Variants in SCGB2B2 observed in about 807,000 individuals in gnomAD.
SCGB2B2 encodes secretoglobin family 2B member 2, also known as secretoglobin-like protein.
A neutral mutation model predicts 7.6 loss-of-function variants in SCGB2B2; 11 were observed. The observed-to-expected ratio is 1.45, with a 90% CI of 0.91 to 2.40. SCGB2B2 has a LOEUF of 2.40. SCGB2B2 is among the 30% of genes most tolerant of loss of function. The pLI is 0.00. For synonymous variants in SCGB2B2, 50 were observed against 48.6 expected (o/e 1.03, Z -0.12); for missense variants, 104 against 115.4 (o/e 0.90, Z 0.45).
chr19:34,629,335 T>C (rs2066464546), intron 1 of SCGB2B2, among the ~76,000 whole-genome samples: 1 of 151,980 alleles, frequency 6.6e-6, no homozygotes, highest in African/African-American at 2.4e-5. Context: ...AAATTGCCCC[T>C]GTTTGCAGAT....
chr19:34,665,653 G>C (rs943506994), intron 1 of SCGB2B2, among the ~76,000 whole-genome samples: 6 of 152,190 alleles, frequency 3.9e-5, no homozygotes, highest in African/African-American at 1.4e-4. Context: ...GCAGTTGAGG[G>C]CCCACGTGTG....
At chr19:34,674,884 G>C (rs1416841294) in intron 1 of SCGB2B2, among the ~76,000 whole-genome samples, 1 of 152,110 alleles carries the variant, frequency 6.6e-6, no homozygotes, top group Non-Finnish European at 1.5e-5. Flanking sequence ...ATTCTAAGTG[G>C]GAAACGATCT....
intron 3 of SCGB2B2, 144 bp downstream of exon 3, chr19:34,594,031 G>A: frequency 4.5e-6 from 3 of 668,608 alleles, no homozygotes; most frequent in Non-Finnish European, 7.7e-6. Flanking sequence ...TGGGGCAGGT[G>A]GGGAACTTCA....
In SCGB2B2 at chr19:34,669,714, T is replaced by TACACACATACACACACACACACACACAC. The variant is rs1555750459; in HGVS notation, c.-2032+5915_-2032+5916insGTGTGTGTGTGTGTGTGTGTATGTGTGT. Among the ~76,000 whole-genome samples the TACACACATACACACACACACACACACAC allele has an allele frequency of 1.7e-3, 241 of 139,578 alleles. 1 individual carries two copies. In the East Asian group the frequency reaches 0.021, roughly 12 times the overall value. 91.6% of individuals were successfully genotyped at this position (139,578 alleles called of 152,430 possible). Reference sequence around the variant, plus strand: ...TCTGCAGACCTGCCCTGCCCCCACTTACACACACACACACACGAAGAGGTG... The same window carrying TACACACATACACACACACACACACACAC: ...TCTGCAGACCTGCCCTGCCCCCACTTACACACATACACACACACACACACACACACACACACACACACACGAAGAGGTG... On this transcript the variant is annotated intron_variant, in intron 1 of 3. Transcript: ENST00000601241.
At chr19:34,649,270 A>T (rs1297932698) in intron 1 of SCGB2B2, among the ~76,000 whole-genome samples, 1 of 152,178 alleles carries the variant, frequency 6.6e-6, no homozygotes, top group Admixed American at 6.5e-5. Flanking sequence ...GAAGGTAAAC[A>T]GTTTTTATGT....
intron 1 of SCGB2B2, among the ~76,000 whole-genome samples, chr19:34,624,207 G>T (rs534488695): frequency 6.6e-6 from 1 of 152,156 alleles, no homozygotes; most frequent in Non-Finnish European, 1.5e-5. Context: ...AATACAATTT[G>T]TCTCATGGAG....
At chr19:34,633,077 A>G (rs973154500) in intron 1 of SCGB2B2, 1 of 152,296 alleles carries the variant, frequency 6.6e-6, no homozygotes, top group Non-Finnish European at 1.5e-5. Context: ...GGAAACCCCA[A>G]TAAAGGCTGT....
rs181793597 is a variant in SCGB2B2, at chr19:34,664,068, T to C, written c.-2032+11562A>G. On this transcript the variant is annotated intron_variant, in intron 1 of 3. Coordinates refer to ENST00000601241, the MANE Select transcript of SCGB2B2 (RefSeq NM_001025591.4). ...CAGCCCCTATCCAGAAAGTCTCATCTCCCAAAACCCTGCCCACAACCCTAA... is the reference window on the plus strand; with the variant it reads ...CAGCCCCTATCCAGAAAGTCTCATCCCCCAAAACCCTGCCCACAACCCTAA... Among the ~76,000 whole-genome samples, 132 of 148,168 alleles carry C rather than the reference T, an allele frequency of 8.9e-4. 2 individuals are homozygous for C. The East Asian group carries it at 0.024, about 27-fold the overall frequency.
intron 1 of SCGB2B2, among the ~76,000 whole-genome samples, chr19:34,601,423 G>C (rs2065619666): frequency 6.6e-6 from 1 of 152,200 alleles, no homozygotes; most frequent in Admixed American, 6.5e-5. Flanking sequence ...AATTTGGAGA[G>C]AACTGAAATT....
chr19:34,648,561 A>C (rs1040717554), intron 1 of SCGB2B2, among the ~76,000 whole-genome samples: 1 of 152,120 alleles, frequency 6.6e-6, no homozygotes, highest in African/African-American at 2.4e-5. Flanking sequence ...TTAAAATTAC[A>C]ATGTCCTTTA....
intron 1 of SCGB2B2, among the ~76,000 whole-genome samples, chr19:34,648,801 A>G (rs7258280): frequency 0.17 from 25,524 of 151,776 alleles, 2,315 homozygotes; most frequent in East Asian, 0.28. Context: ...ATGCAAAAAG[A>G]ACATGTTGCA....
chr19:34,612,022 CTTTTTTTTTTTTTTTTTTTTTT>C (rs753968261), intron 1 of SCGB2B2, among the ~76,000 whole-genome samples: 1 of 41,766 alleles, frequency 2.4e-5, no homozygotes, highest in Non-Finnish European at 4.0e-5. Flanking sequence ...TTAGAAAATT[CTTTTTTTTTTTTTTTTTTTTTT>C]TTTTTTTTTT....
intron 1 of SCGB2B2, among the ~76,000 whole-genome samples, chr19:34,597,692 T>G (rs2065498959): frequency 6.6e-6 from 1 of 152,176 alleles, no homozygotes; most frequent in African/African-American, 2.4e-5. Context: ...CGCGAGGCCT[T>G]CCCTGCACCC....
chr19:34,607,611 T>TA (rs1390510337), intron 1 of SCGB2B2, among the ~76,000 whole-genome samples: 3 of 152,248 alleles, frequency 2.0e-5, no homozygotes, highest in South Asian at 2.1e-4. Context: ...TGCAAACACT[T>TA]ACGATTTCTT....
chr19:34,594,532 A>G lies in SCGB2B2; in HGVS notation c.32T>C (p.Leu11Pro). Residue 11 changes from leucine (L) to proline (P), a missense_variant, in exon 2 of 4, where the codon CTG (leucine) becomes CCG (proline). Coordinates refer to ENST00000601241, the MANE Select transcript of SCGB2B2 (RefSeq NM_001025591.4). MRVTSATCALLLALICSVQLG... is the reference protein window; with the variant it reads MRVTSATCALPLALICSVQLG... ...CTGGACGCTGCAGATCAGAGCCAGC[A>G]GAAGAGCACAGGTGGCGGATGTCAC... The G allele has an allele frequency of 6.2e-7, 1 of 1,613,448 alleles. No homozygotes were observed. The highest frequency in any genetic ancestry group is 8.5e-7 in the Non-Finnish European group (1 of 1,180,030).
chr19:34,661,611 C>T (rs1017983010), intron 1 of SCGB2B2, among the ~76,000 whole-genome samples: 5 of 152,104 alleles, frequency 3.3e-5, no homozygotes, highest in Non-Finnish European at 5.9e-5. Context: ...AAGAGACCAG[C>T]GACATGAAAT....
chr19:34,651,624 T>C (rs972997681), intron 1 of SCGB2B2, among the ~76,000 whole-genome samples: 3 of 151,174 alleles, frequency 2.0e-5, no homozygotes, highest in East Asian at 1.9e-4. Flanking sequence ...AGGAAATCAA[T>C]TGAAGAAGAC....
chr19:34,625,464 G>T (rs1329817089), intron 1 of SCGB2B2, among the ~76,000 whole-genome samples: 4 of 152,218 alleles, frequency 2.6e-5, no homozygotes, highest in African/African-American at 7.2e-5. Context: ...TGCACACCAG[G>T]AGATTATATC....
Position 34,593,447 on chromosome 19 carries a change from G to T in SCGB2B2, c.*108C>A. ...AGATGCCAGAACACAGAACTGAGCT[G>T]CAGGTGTTCATTGGGGTCTCTGTAG... On this transcript the variant is annotated 3_prime_UTR_variant, in exon 4 of 4. Coordinates refer to ENST00000601241, the MANE Select transcript of SCGB2B2 (RefSeq NM_001025591.4). The T allele has an allele frequency of 1.3e-6, 1 of 773,400 alleles. No homozygotes were observed. Among genetic ancestry groups the T allele is most frequent in the Non-Finnish European group, 2.2e-6 (1 of 457,434 alleles). 47.9% of individuals were successfully genotyped at this position (773,400 alleles called of 1,614,324 possible).
Sources: allele counts gnomAD v4.1 joint callset (sites outside exome capture counted in the v4.1 genomes callset), GRCh38; gene constraint gnomAD v4.1.1; transcripts MANE v1.5; gene names NCBI Gene and HGNC (gene_info 2026-07-23, HGNC 2026-07-21).